The following ZNF407 variants were observed in gnomAD, a reference collection of about 807,000 sequenced individuals.
ZNF407 encodes the protein zinc finger protein 407.
In ZNF407, 17 loss-of-function variants were observed where a neutral mutation model predicts 131.2. The ratio of observed to expected loss-of-function variants is 0.13; its 90% CI spans 0.09 to 0.19. ZNF407 has a LOEUF of 0.19. ZNF407 is among the 10% of genes least tolerant of loss of function. ZNF407 has a pLI of 1.00. For missense variants in ZNF407, 2,681 were observed against 2,830.6 expected, an observed-to-expected ratio of 0.95 and a Z score of 1.20; for synonymous variants, 1,156 against 1,062.0, an observed-to-expected ratio of 1.09 and a Z score of -1.72.
At chr18:74,910,253 G>A (rs959525789) in intron 7 of ZNF407, among the ~76,000 whole-genome samples, 27 of 152,154 alleles carry the variant, frequency 1.8e-4, no homozygotes, top group African/African-American at 4.8e-4. Flanking sequence ...ATAAACATGA[G>A]TTGTAAAAGC....
intron 1 of ZNF407, among the ~76,000 whole-genome samples, chr18:74,607,347 A>G (rs895869932): frequency 6.6e-6 from 1 of 152,204 alleles, no homozygotes; most frequent in African/African-American, 2.4e-5. Flanking sequence ...TTGATCTCTC[A>G]GGCCGCTTGT....
chr18:74,795,652 CA>C (rs1253076484), intron 4 of ZNF407, among the ~76,000 whole-genome samples: 1 of 152,158 alleles, frequency 6.6e-6, no homozygotes, highest in African/African-American at 2.4e-5. Context: ...TGAACTAAAC[CA>C]CCAGTTCAGT....
chr18:75,015,961 A>G (rs1973039302), intron 8 of ZNF407, among the ~76,000 whole-genome samples: 1 of 152,088 alleles, frequency 6.6e-6, no homozygotes, highest in South Asian at 2.1e-4. Context: ...AATAAAACAG[A>G]CCATAAACTG....
At chr18:74,685,577 A>T (rs376226149) in intron 3 of ZNF407, among the ~76,000 whole-genome samples, 13 of 152,164 alleles carry the variant, frequency 8.5e-5, no homozygotes, top group African/African-American at 3.1e-4. Flanking sequence ...CAGGCCCTCC[A>T]TGACCTGATG....
At chr18:74,927,762 GA>G (rs1304866353) in intron 8 of ZNF407, among the ~76,000 whole-genome samples, 4 of 152,140 alleles carry the variant, frequency 2.6e-5, no homozygotes, top group Non-Finnish European at 5.9e-5. Flanking sequence ...AAAGACTAAT[GA>G]TTTTTTTGCA....
intron 8 of ZNF407, among the ~76,000 whole-genome samples, chr18:75,040,009 CTTG>C (rs1187778299): frequency 6.6e-6 from 1 of 152,100 alleles, no homozygotes; most frequent in African/African-American, 2.4e-5. Flanking sequence ...TCACAGCTAC[CTTG>C]TTGGTCTCTC....
chr18:74,865,466 A>G (rs956268890), intron 4 of ZNF407, among the ~76,000 whole-genome samples: 33 of 152,186 alleles, frequency 2.2e-4, no homozygotes, highest in African/African-American at 8.0e-4. Context: ...CCCTAACACT[A>G]TACTTAATGC....
intron 4 of ZNF407, among the ~76,000 whole-genome samples, chr18:74,849,224 G>A (rs921205707): frequency 3.3e-5 from 5 of 151,420 alleles, no homozygotes; most frequent in East Asian, 2.0e-4. Context: ...GATTACAGGC[G>A]CCTGCCACAA....
At chr18:74,868,627 T>C (rs992870824) in intron 4 of ZNF407, among the ~76,000 whole-genome samples, 3 of 152,236 alleles carry the variant, frequency 2.0e-5, no homozygotes, top group African/African-American at 7.2e-5. Flanking sequence ...CATGGTTGGC[T>C]CACTGCTCTT....
chr18:74,909,483 T>C (rs1313626936), intron 7 of ZNF407, among the ~76,000 whole-genome samples: 2 of 152,138 alleles, frequency 1.3e-5, no homozygotes, highest in East Asian at 1.9e-4. Flanking sequence ...AGAAGCAAAA[T>C]GTTAAGCAAA....
intron 1 of ZNF407, among the ~76,000 whole-genome samples, chr18:74,608,857 C>T (rs1422386172): frequency 6.6e-6 from 1 of 152,108 alleles, no homozygotes; most frequent in Non-Finnish European, 1.5e-5. Context: ...ATAGATATGT[C>T]TTCTTCTGGT....
chr18:74,804,656 T>A lies in ZNF407; in HGVS notation c.4877+23154T>A, dbSNP rs553239498. On this transcript the variant is annotated intron_variant, in intron 4 of 8. Coordinates refer to ENST00000299687, the MANE Select transcript of ZNF407 (RefSeq NM_017757.3). ...AGTCTCTAAAACGTCTGATTATTTG[T>A]ATTTCATATGTGCTCACATTTCTGA... 443 of 946,554 alleles carry A rather than the reference T, an allele frequency of 4.7e-4. 2 individuals are homozygous for A. The Admixed American group carries it at 6.3e-3, about 14-fold the overall frequency. 58.6% of individuals were successfully genotyped at this position (946,554 alleles called of 1,614,324 possible).
rs1973688002 is a variant in ZNF407 at position 75,064,522 on chromosome 18, G to A, written c.*54G>A. The A allele has an allele frequency of 7.3e-7, 1 of 1,377,944 alleles. No homozygotes were observed. The highest frequency in any genetic ancestry group is 9.7e-7 in the Non-Finnish European group (1 of 1,036,048). 85.4% of individuals were successfully genotyped at this position (1,377,944 alleles called of 1,614,324 possible). A position where few individuals can be genotyped will look rare whatever the true frequency, so the allele number is the denominator to read the frequency against. On this transcript the variant is annotated 3_prime_UTR_variant, in exon 9 of 9. Coordinates refer to ENST00000299687, the MANE Select transcript of ZNF407 (RefSeq NM_017757.3). ...GCAGGTGTGGGAAGGTCCAGCTTCG[G>A]TGGGGGACCGTGTTCCCTGAGCTTC...
intron 3 of ZNF407, among the ~76,000 whole-genome samples, chr18:74,772,750 G>T (rs1969387051): frequency 6.6e-6 from 1 of 152,096 alleles, no homozygotes; most frequent in African/African-American, 2.4e-5. Context: ...TTGAGCTGAG[G>T]CATGACCTGA....
intron 3 of ZNF407, among the ~76,000 whole-genome samples, chr18:74,666,860 A>G (rs1188988949): frequency 6.6e-6 from 1 of 151,872 alleles, no homozygotes; most frequent in African/African-American, 2.4e-5. Flanking sequence ...GTATGTTGGA[A>G]CCCTGTTTCC....
At chr18:74,884,968 A>C (rs1317124357) in intron 6 of ZNF407, among the ~76,000 whole-genome samples, 1 of 152,178 alleles carries the variant, frequency 6.6e-6, no homozygotes, top group Non-Finnish European at 1.5e-5. Context: ...CACTATTGCG[A>C]TAAAGAAAAT....
intron 8 of ZNF407, among the ~76,000 whole-genome samples, chr18:74,980,592 C>T (rs529203677): frequency 6.6e-6 from 1 of 152,278 alleles, no homozygotes; most frequent in East Asian, 1.9e-4. Flanking sequence ...CAGGCGTGAG[C>T]CACCCCACCC....
chr18:74,844,361 T>C (rs890072407), intron 4 of ZNF407, among the ~76,000 whole-genome samples: 2 of 152,214 alleles, frequency 1.3e-5, no homozygotes, highest in African/African-American at 4.8e-5. Flanking sequence ...GAAATCCAGC[T>C]TCCCTCAGGA....
chr18:74,987,331 A>C (rs1047372942), intron 8 of ZNF407, among the ~76,000 whole-genome samples: 3 of 152,224 alleles, frequency 2.0e-5, no homozygotes, highest in African/African-American at 7.2e-5. Context: ...TGTGAAATTT[A>C]TTACAGCAAT....
Sources: allele counts gnomAD v4.1 joint callset (sites outside exome capture counted in the v4.1 genomes callset), GRCh38; gene constraint gnomAD v4.1.1; transcripts MANE v1.5; gene names NCBI Gene and HGNC (gene_info 2026-07-23, HGNC 2026-07-21).